The following STAT3 variants were observed in gnomAD, a reference collection of about 807,000 sequenced individuals.
STAT3 encodes the protein signal transducer and activator of transcription 3.
In STAT3, 7 loss-of-function variants were observed where a neutral mutation model predicts 114.3. That is an observed-to-expected ratio of 0.06 (90% CI 0.03 to 0.11). STAT3 has a LOEUF of 0.11. Among genes scored for constraint, STAT3 ranks in the 10% least tolerant of loss-of-function variants. The pLI is 1.00. For missense variants in STAT3, 364 were observed against 960.9 expected, an observed-to-expected ratio of 0.38 and a Z score of 8.21; for synonymous variants, 331 against 354.5, an observed-to-expected ratio of 0.93 and a Z score of 0.74.
intron 1 of STAT3, among the ~76,000 whole-genome samples, chr17:42,354,527 G>A (rs1440719532): frequency 6.6e-6 from 1 of 151,370 alleles, no homozygotes; most frequent in Non-Finnish European, 1.5e-5. Flanking sequence ...TAAAGCACCA[G>A]GCTGGGCACA....
chr17:42,331,427 T>C, intron 11 of STAT3, 45 bp downstream of exon 11: 1 of 1,525,732 alleles, frequency 6.6e-7, no homozygotes, highest in Non-Finnish European at 9.1e-7. Flanking sequence ...GTTCTCATTT[T>C]TCTATTCCTC....
intron 1 of STAT3, among the ~76,000 whole-genome samples, chr17:42,358,658 G>C (rs534774172): frequency 6.6e-6 from 1 of 152,126 alleles, no homozygotes; most frequent in Non-Finnish European, 1.5e-5. Flanking sequence ...GTGGTGTGGG[G>C]GAAAGGACAG....
chr17:42,387,135 C>G (rs539256946), intron 1 of STAT3: 1 of 152,170 alleles, frequency 6.6e-6, no homozygotes, highest in Non-Finnish European at 1.5e-5. Context: ...GTTGCACATA[C>G]AGTAAGACCA....
rs1396032274 is a variant in STAT3 at position 42,364,175 on chromosome 17, C to A, written c.-23-15636G>T. 2.0e-5 allele frequency among the ~76,000 whole-genome samples: 3 copies of A among 152,118 alleles called. No individual in the cohort carries two copies. In the South Asian group the frequency reaches 6.2e-4, roughly 32 times the overall value. On this transcript the variant is annotated intron_variant, in intron 1 of 23. Coordinates refer to ENST00000264657, the MANE Select transcript of STAT3 (RefSeq NM_139276.3). The stretch of plus-strand genomic sequence containing the variant: ...TCCCCTACTGAACAGATGATGGCCA[C>A]GATACTGAAAAGCATGGCATCAACA...
rs1205011888 is a variant in STAT3 at position 42,324,320 on chromosome 17, A to AT, written c.1600+390_1600+391insA. Among the ~76,000 whole-genome samples, 501 of 152,242 alleles carry AT rather than the reference A, an allele frequency of 3.3e-3. 2 individuals carry two copies. The highest frequency in any genetic ancestry group is 0.012 in the African/African-American group (478 of 41,528). ...GGCAACAGAGCAAGACTCGTCTCAA[A>AT]AAAATAAATAAATAAATAAAATAAG... On this transcript the variant is annotated intron_variant, in intron 17 of 23. Coordinates refer to ENST00000264657, the MANE Select transcript of STAT3 (RefSeq NM_139276.3). The surrounding 1 kb of genome is among the most constrained non-coding windows in gnomAD (Gnocchi z 4.5).
At chr17:42,364,882 T>G (rs1404209772) in intron 1 of STAT3, among the ~76,000 whole-genome samples, 1 of 152,180 alleles carries the variant, frequency 6.6e-6, no homozygotes, top group Non-Finnish European at 1.5e-5. Flanking sequence ...TTTCTCAAAT[T>G]TATTCAGGTC....
At chr17:42,369,109 C>A (rs1392935720) in intron 1 of STAT3, among the ~76,000 whole-genome samples, 2 of 152,160 alleles carry the variant, frequency 1.3e-5, no homozygotes, top group East Asian at 3.9e-4. Context: ...CACGTAATCC[C>A]GGCACTTTGG....
chr17:42,326,018 G>T, intron 15 of STAT3, 98 bp downstream of exon 15: 2 of 1,119,494 alleles, frequency 1.8e-6, no homozygotes, highest in Non-Finnish European at 1.4e-6. Flanking sequence ...TAAGCAAACA[G>T]TAATCATTCC....
intron 4 of STAT3, among the ~76,000 whole-genome samples, chr17:42,342,644 G>A (rs2144934472): frequency 1.3e-5 from 2 of 152,266 alleles, no homozygotes; most frequent in South Asian, 4.2e-4. Context: ...ATTCTATGAA[G>A]AAGGTATTGT....
chr17:42,362,757 G>A (rs1032309401), intron 1 of STAT3, among the ~76,000 whole-genome samples: 4 of 152,220 alleles, frequency 2.6e-5, no homozygotes, highest in African/African-American at 7.2e-5. Context: ...CGTGCAGCAT[G>A]TAAGTGTTTG....
chr17:42,320,727 TAAA>T (rs756271214), intron 21 of STAT3, among the ~76,000 whole-genome samples: 18 of 60,080 alleles, frequency 3.0e-4, no homozygotes, highest in East Asian at 3.0e-3. Flanking sequence ...AGACTTAGTC[TAAA>T]AAAAAAAAAA....
chr17:42,344,605 G>A (rs1412632465), intron 4 of STAT3, among the ~76,000 whole-genome samples: 1 of 151,652 alleles, frequency 6.6e-6, no homozygotes, highest in Admixed American at 6.6e-5. Context: ...TGTAGTCCCA[G>A]CTAGTCGGGA....
chr17:42,366,989 A>C (rs1367287826), intron 1 of STAT3, among the ~76,000 whole-genome samples: 1 of 151,950 alleles, frequency 6.6e-6, no homozygotes, highest in Non-Finnish European at 1.5e-5. Context: ...AAAAATACAA[A>C]AATTAGCCAG....
chr17:42,369,596 A>G (rs532314181), intron 1 of STAT3, among the ~76,000 whole-genome samples: 2 of 152,196 alleles, frequency 1.3e-5, no homozygotes, highest in Non-Finnish European at 2.9e-5. Context: ...CTACAACTCA[A>G]TAACAAAAAG....
intron 1 of STAT3, among the ~76,000 whole-genome samples, chr17:42,375,835 A>C (rs1257170911): frequency 6.6e-6 from 1 of 151,266 alleles, no homozygotes; most frequent in Admixed American, 6.6e-5. Context: ...ATCTCAAAAA[A>C]AAAAAAGAAA....
intron 1 of STAT3, among the ~76,000 whole-genome samples, chr17:42,383,598 G>A (rs1168436374): frequency 6.6e-6 from 1 of 152,136 alleles, no homozygotes; most frequent in Non-Finnish European, 1.5e-5. Flanking sequence ...TACACTTTAC[G>A]CTTACGTCTT....
chr17:42,371,035 T>C (rs1276366693), intron 1 of STAT3, among the ~76,000 whole-genome samples: 1 of 152,102 alleles, frequency 6.6e-6, no homozygotes, highest in Non-Finnish European at 1.5e-5. Flanking sequence ...TTGAGAAAAC[T>C]TCAGAGGTAG....
chr17:42,340,834 C>A (rs1365071761), intron 4 of STAT3, among the ~76,000 whole-genome samples: 1 of 152,138 alleles, frequency 6.6e-6, no homozygotes, highest in African/African-American at 2.4e-5. Flanking sequence ...GCTGGTGCCT[C>A]CCTCCTCTCA....
intron 4 of STAT3, 156 bp downstream of exon 4, chr17:42,345,400 TTTC>T: frequency 1.4e-6 from 1 of 699,826 alleles, no homozygotes; most frequent in Non-Finnish European, 2.3e-6. Flanking sequence ...GGGGTGGAAC[TTTC>T]TTTTTTTTTA....
Sources: gnomAD v4.1 joint callset for allele counts (sites outside exome capture counted in the v4.1 genomes callset) on GRCh38, gnomAD v4.1.1 for gene constraint, Gnocchi (gnomAD v3.1) non-coding constraint, MANE v1.5 for transcripts, NCBI Gene and HGNC (gene_info 2026-07-23, HGNC 2026-07-21) for gene names.